TBL1X: variants seen among roughly 807,000 people sequenced by gnomAD.
TBL1X encodes the protein F-box-like/WD repeat-containing protein TBL1X.
Under a neutral mutation model 50.7 loss-of-function variants are expected in TBL1X, and 10 were observed. The observed-to-expected ratio is 0.20, with a 90% CI of 0.12 to 0.33. The LOEUF (loss-of-function observed/expected upper bound fraction) is 0.33. Among genes scored for constraint, TBL1X ranks in the 10% least tolerant of loss-of-function variants. TBL1X has a pLI of 1.00. For missense variants in TBL1X, 340 were observed against 504.4 expected (o/e 0.67, Z 3.12); for synonymous variants, 190 against 214.7 (o/e 0.88, Z 1.01).
At chrX:9,591,030 TC>T (rs1264613753) in intron 2 of TBL1X, among the ~76,000 whole-genome samples, 3 of 109,557 alleles carry the variant, frequency 2.7e-5, no homozygotes, top group African/African-American at 1.0e-4. Flanking sequence ...AAAGGAGTAA[TC>T]TACCAGGGAC....
intron 2 of TBL1X, among the ~76,000 whole-genome samples, chrX:9,523,456 T>C (rs1300321431): frequency 1.8e-5 from 2 of 111,567 alleles, no homozygotes; most frequent in Admixed American, 9.5e-5. Flanking sequence ...TCACCCACAC[T>C]GGACCATATG....
chrX:9,570,923 C>T (rs1006912071), intron 2 of TBL1X, among the ~76,000 whole-genome samples: 16 of 110,976 alleles, frequency 1.4e-4, no homozygotes, highest in Non-Finnish European at 2.1e-4. Context: ...GTGATCTGCC[C>T]GCCTCGGCCT....
At chrX:9,552,186 G>T (rs1219627535) in intron 2 of TBL1X, among the ~76,000 whole-genome samples, 1 of 111,337 alleles carries the variant, frequency 9.0e-6, no homozygotes, top group Non-Finnish European at 1.9e-5. Context: ...GGATGATGAG[G>T]TTGGGGTGTT....
intron 3 of TBL1X, among the ~76,000 whole-genome samples, chrX:9,645,931 T>A (rs901006666): frequency 2.7e-5 from 3 of 112,412 alleles, no homozygotes; most frequent in Admixed American, 9.4e-5. Flanking sequence ...AGCTTTGAAA[T>A]TTTTAACTTG....
chrX:9,714,013 CTG>C (rs1218305258), intron 16 of TBL1X, among the ~76,000 whole-genome samples: 1 of 110,990 alleles, frequency 9.0e-6, no homozygotes, highest in African/African-American at 3.3e-5. Context: ...CGAAGTCTCA[CTG>C]TGTTGCCCAG....
At chrX:9,611,697 G>A (rs969518761) in intron 2 of TBL1X, among the ~76,000 whole-genome samples, 3 of 112,496 alleles carry the variant, frequency 2.7e-5, no homozygotes, top group African/African-American at 9.7e-5. Context: ...GGGTCACCTG[G>A]TCTTAATTAG....
At chrX:9,702,455 A>C (rs760315259) in intron 12 of TBL1X, among the ~76,000 whole-genome samples, 1 of 106,402 alleles carries the variant, frequency 9.4e-6, no homozygotes, top group Admixed American at 1.0e-4. Flanking sequence ...AAAAAAAAAA[A>C]AAAAACTGGG....
At chrX:9,636,509 CAACA>C (rs2082748435) in intron 2 of TBL1X, 1 of 110,515 alleles carries the variant, frequency 9.0e-6, no homozygotes, top group African/African-American at 3.3e-5. Flanking sequence ...ACAACAACAA[CAACA>C]ACAACAACAA....
At chrX:9,689,257 G>T (rs1199334067) in intron 7 of TBL1X, among the ~76,000 whole-genome samples, 1 of 112,205 alleles carries the variant, frequency 8.9e-6, no homozygotes, top group East Asian at 2.8e-4. Flanking sequence ...GTACGTCTTG[G>T]CTCCACAACT....
intron 2 of TBL1X, among the ~76,000 whole-genome samples, chrX:9,612,242 G>A (rs988567707): frequency 9.0e-6 from 1 of 111,580 alleles, no homozygotes; most frequent in Non-Finnish European, 1.9e-5. Flanking sequence ...AAAATTTGTC[G>A]GCAGATACAA....
intron 1 of TBL1X, among the ~76,000 whole-genome samples, chrX:9,466,318 G>C (rs1316472230): frequency 8.9e-6 from 1 of 112,276 alleles, no homozygotes; most frequent in African/African-American, 3.2e-5. Flanking sequence ...TGACAACTGT[G>C]GGTCGCTGGA....
rs753547750 is a variant in TBL1X at position 9,706,587 on chromosome X, AGGGAACAACAAT to A, written c.1236+1484_1236+1495del. 1.9e-3 allele frequency among the ~76,000 whole-genome samples: 209 copies of A among 111,362 alleles called. 1 individual carries two copies. The highest frequency in any genetic ancestry group is 6.6e-3 in the African/African-American group (202 of 30,632). ...GAGGCTGACAAATCCATTATATACC[AGGGAACAACAAT>A]GGGAACAACAGCTGACTTAGCAAAT... On this transcript the variant is annotated intron_variant, in intron 13 of 17. Coordinates refer to ENST00000645353, the MANE Select transcript of TBL1X (RefSeq NM_005647.4).
rs969489506 is a variant in TBL1X at position 9,717,159 on chromosome X, G to A, written c.*913G>A. ...GGTCTCAAGGGCACTTTGGCGCGTA[G>A]TAAGTGCTTTATGTAAGAAGGCAGG... On this transcript the variant is annotated 3_prime_UTR_variant, in exon 18 of 18. Coordinates refer to ENST00000645353, the MANE Select transcript of TBL1X (RefSeq NM_005647.4). 1 of 110,192 alleles carries A rather than the reference G, an allele frequency of 9.1e-6. No individual in the cohort carries two copies. The highest frequency in any genetic ancestry group is 1.9e-5 in the Non-Finnish European group (1 of 52,766). 9.1% of individuals were successfully genotyped at this position (110,192 alleles called of 1,213,427 possible). A position where few individuals can be genotyped will look rare whatever the true frequency, so the allele number is the denominator to read the frequency against.
chrX:9,671,427 T>C (rs1220877032), intron 5 of TBL1X, among the ~76,000 whole-genome samples: 2 of 112,715 alleles, frequency 1.8e-5, no homozygotes, highest in Non-Finnish European at 3.8e-5. Context: ...TGCCGAGGGG[T>C]TCAGAAGGAA....
At chrX:9,498,739 G>A (rs1345128836) in intron 1 of TBL1X, among the ~76,000 whole-genome samples, 1 of 112,646 alleles carries the variant, frequency 8.9e-6, no homozygotes, top group Admixed American at 9.3e-5. Context: ...CCCCACTCTA[G>A]TGCCCATTGG....
intron 1 of TBL1X, among the ~76,000 whole-genome samples, chrX:9,469,168 G>GTTTA (rs1299429463): frequency 9.1e-6 from 1 of 110,473 alleles, no homozygotes; most frequent in African/African-American, 3.3e-5. Context: ...TGCCTTTTTT[G>GTTTA]TTTGTTTGTT....
intron 2 of TBL1X, among the ~76,000 whole-genome samples, chrX:9,627,693 G>A (rs925868267): frequency 8.9e-6 from 1 of 112,353 alleles, no homozygotes; most frequent in African/African-American, 3.2e-5. Context: ...TTGTGCAGAA[G>A]TAAGTTACTA....
At chrX:9,700,916 CTG>C (rs1407667819) in intron 12 of TBL1X, among the ~76,000 whole-genome samples, 2 of 111,802 alleles carry the variant, frequency 1.8e-5, no homozygotes, top group African/African-American at 6.5e-5. Context: ...GTTGCATGCT[CTG>C]TGCTTTCATT....
At chrX:9,689,504 C>T (rs1184088234) in intron 7 of TBL1X, among the ~76,000 whole-genome samples, 1 of 111,915 alleles carries the variant, frequency 8.9e-6, no homozygotes, top group East Asian at 2.8e-4. Flanking sequence ...TGATAAGGTC[C>T]ACAATTGTGG....
Sources: gnomAD v4.1 joint callset for allele counts (sites outside exome capture counted in the v4.1 genomes callset) on GRCh38, gnomAD v4.1.1 for gene constraint, MANE v1.5 for transcripts, NCBI Gene and HGNC (gene_info 2026-07-23, HGNC 2026-07-21) for gene names.